Variants in CCDC171 observed in about 807,000 individuals in gnomAD.
CCDC171 encodes coiled-coil domain-containing protein 171.
CCDC171 carries 177 observed loss-of-function variants against 168.2 expected under a neutral mutation model. The ratio of observed to expected loss-of-function variants is 1.05; its 90% CI spans 0.93 to 1.19. CCDC171 has a LOEUF of 1.19. Ranked by LOEUF, CCDC171 falls within the 50% of genes most tolerant of loss-of-function variation. CCDC171 has a pLI of 0.00. For synonymous variants in CCDC171, 687 were observed against 540.8 expected, an observed-to-expected ratio of 1.27 and a Z score of -3.75; for missense variants, 1,991 against 1,539.0, an observed-to-expected ratio of 1.29 and a Z score of -4.91.
chr9:15,632,705 C>T (rs2045830751), intron 7 of CCDC171, among the ~76,000 whole-genome samples: 1 of 152,144 alleles, frequency 6.6e-6, no homozygotes, highest in South Asian at 2.1e-4. Context: ...AAAGAGCCTG[C>T]ATCGCCAAGT....
intron 5 of CCDC171, among the ~76,000 whole-genome samples, chr9:15,593,450 C>G (rs965193610): frequency 3.3e-5 from 5 of 152,072 alleles, no homozygotes; most frequent in African/African-American, 1.2e-4. Context: ...AAATTAAAGT[C>G]CATACTTAAA....
chr9:15,728,699 G>T (rs543609762), intron 15 of CCDC171, among the ~76,000 whole-genome samples: 1 of 152,178 alleles, frequency 6.6e-6, no homozygotes, highest in Non-Finnish European at 1.5e-5. Flanking sequence ...TGGCTTAGCA[G>T]ATCAACATAT....
At chr9:15,795,637 G>A (rs1344310604) in intron 21 of CCDC171, among the ~76,000 whole-genome samples, 2 of 152,188 alleles carry the variant, frequency 1.3e-5, no homozygotes, top group Non-Finnish European at 1.5e-5. Flanking sequence ...TAATGTTAGG[G>A]AAATCTAGGC....
intron 10 of CCDC171, among the ~76,000 whole-genome samples, chr9:15,681,626 C>A (rs999963064): frequency 2.6e-5 from 4 of 151,810 alleles, no homozygotes; most frequent in African/African-American, 7.3e-5. Flanking sequence ...TAAATATATT[C>A]TTTTCTTGTA....
intron 21 of CCDC171, among the ~76,000 whole-genome samples, chr9:15,786,798 A>G (rs2057982151): frequency 1.3e-5 from 2 of 152,064 alleles, no homozygotes. Flanking sequence ...AATCAACCTT[A>G]TGACATTCTT....
At chr9:15,894,423 A>G (rs1475475928) in intron 24 of CCDC171, among the ~76,000 whole-genome samples, 1 of 152,054 alleles carries the variant, frequency 6.6e-6, no homozygotes, top group Non-Finnish European at 1.5e-5. Context: ...ATGTAACCCT[A>G]AACTTAAAAG....
intron 24 of CCDC171, among the ~76,000 whole-genome samples, chr9:15,900,368 T>C (rs570272118): frequency 4.4e-4 from 67 of 152,274 alleles, no homozygotes; most frequent in African/African-American, 1.5e-3. Context: ...TGATCCTGGG[T>C]GACAGCCAGC....
At chr9:15,957,219 C>G (rs936675221) in intron 25 of CCDC171, among the ~76,000 whole-genome samples, 3 of 152,082 alleles carry the variant, frequency 2.0e-5, no homozygotes, top group Non-Finnish European at 2.9e-5. Flanking sequence ...CCTTGACCAC[C>G]TATTATGAAG....
rs71325936 is a variant in CCDC171 at position 15,830,968 on chromosome 9, A to ATTTT, written c.3268-15718_3268-15715dup. Among the ~76,000 whole-genome samples, 8 of 122,990 alleles carry ATTTT rather than the reference A, an allele frequency of 6.5e-5. 1 individual carries two copies. The highest frequency in any genetic ancestry group is 9.5e-5 in the Admixed American group (1 of 10,482). 80.7% of individuals were successfully genotyped at this position (122,990 alleles called of 152,430 possible). A position where few individuals can be genotyped will look rare whatever the true frequency, so the allele number is the denominator to read the frequency against. On this transcript the variant is annotated intron_variant, in intron 21 of 25. Coordinates refer to ENST00000380701, the MANE Select transcript of CCDC171 (RefSeq NM_173550.4). ...CCTCTTTTCTTATGGCCATATCTTA[A>ATTTT]TTTTTTTTTTTTTTTTTTTGAGATG...
At chr9:16,067,707 T>C in the CCDC171 span, among the ~76,000 whole-genome samples, 1 of 152,222 alleles carries the variant, frequency 6.6e-6, no homozygotes. Flanking sequence ...CAGCACCATT[T>C]ATTAAATAGG....
In CCDC171 at chr9:15,642,314, C is replaced by CACAT. The variant is rs200134372; in HGVS notation, c.823-14813_823-14812insACAT. On this transcript the variant is annotated intron_variant, in intron 7 of 25. Transcript: ENST00000380701. Reference sequence around the variant, plus strand: ...GTATATATATACACATATGTATACACGTATATATATATATACACGTGTGTG... The same window carrying CACAT: ...GTATATATATACACATATGTATACACACATGTATATATATATATACACGTGTGTG... 2.5e-3 allele frequency among the ~76,000 whole-genome samples: 187 copies of CACAT among 76,306 alleles called. 4 individuals are homozygous for CACAT. The highest frequency in any genetic ancestry group is 7.8e-3 in the African/African-American group (157 of 20,014). The allele number at this position is 76,306 out of a possible 152,430, so 50.1% of individuals were successfully genotyped here.
At chr9:16,071,378 T>G in the CCDC171 span, among the ~76,000 whole-genome samples, 2 of 152,240 alleles carry the variant, frequency 1.3e-5, no homozygotes, top group African/African-American at 4.8e-5. Flanking sequence ...TGTCCACTGC[T>G]GATCTGTGTC....
intron 25 of CCDC171, among the ~76,000 whole-genome samples, chr9:15,963,170 G>A (rs1005621205): frequency 2.0e-5 from 3 of 152,000 alleles, no homozygotes; most frequent in Non-Finnish European, 2.9e-5. Context: ...ATCACACACC[G>A]GGGCCTGTTG....
intron 24 of CCDC171, among the ~76,000 whole-genome samples, chr9:15,894,693 C>T (rs1820674334): frequency 6.6e-6 from 1 of 151,918 alleles, no homozygotes; most frequent in Non-Finnish European, 1.5e-5. Flanking sequence ...CTTGGTGGTC[C>T]CTTTACTTGG....
intron 11 of CCDC171, among the ~76,000 whole-genome samples, chr9:15,712,481 T>C (rs902219471): frequency 6.6e-6 from 1 of 152,354 alleles, no homozygotes; most frequent in Admixed American, 6.5e-5. Flanking sequence ...ATTTCCACAC[T>C]TCATTTGCTG....
At chr9:15,780,742 A>G (rs1051646407) in intron 20 of CCDC171, among the ~76,000 whole-genome samples, 1 of 152,186 alleles carries the variant, frequency 6.6e-6, no homozygotes, top group Non-Finnish European at 1.5e-5. Flanking sequence ...GTATGCACTT[A>G]AAGTACTGTA....
chr9:15,605,026 T>C (rs1047350076), intron 6 of CCDC171, among the ~76,000 whole-genome samples: 1 of 152,102 alleles, frequency 6.6e-6, no homozygotes, highest in African/African-American at 2.4e-5. Flanking sequence ...CTCCTTTGTA[T>C]CTGGGACCAT....
At chr9:15,830,918 T>C (rs2060202371) in intron 21 of CCDC171, among the ~76,000 whole-genome samples, 1 of 152,000 alleles carries the variant, frequency 6.6e-6, no homozygotes, top group African/African-American at 2.4e-5. Context: ...TCCTTTTGGC[T>C]GTTCAGCAAT....
intron 9 of CCDC171, among the ~76,000 whole-genome samples, chr9:15,678,470 T>G (rs911679963): frequency 1.3e-5 from 2 of 152,166 alleles, no homozygotes; most frequent in African/African-American, 4.8e-5. Context: ...TAGGTGGGTT[T>G]TGCTCGTCAA....
Sources: allele counts gnomAD v4.1 joint callset (sites outside exome capture counted in the v4.1 genomes callset), GRCh38; gene constraint gnomAD v4.1.1; transcripts MANE v1.5; gene names NCBI Gene and HGNC (gene_info 2026-07-23, HGNC 2026-07-21).